The following MRPL13 variants were observed in gnomAD, a reference collection of about 807,000 sequenced individuals.
MRPL13 encodes mitochondrial ribosomal protein L13.
A neutral mutation model predicts 29.0 loss-of-function variants in MRPL13; 33 were observed. The observed-to-expected ratio is 1.14, with a 90% CI of 0.86 to 1.52. The LOEUF is 1.52. MRPL13 is among the 40% of genes most tolerant of loss of function. The pLI is 0.00. For missense variants in MRPL13, 227 were observed against 216.7 expected (o/e 1.05, Z -0.30); for synonymous variants, 77 against 68.4 (o/e 1.13, Z -0.62).
rs377661860 is a variant in MRPL13 at position 120,415,828 on chromosome 8, GCCTA to G, written c.394-1720_394-1717del. Reference sequence around the variant, plus strand: ...TACTTATTTTTTACTTATTGAAGGCGCCTACCTGTCAGATATTTCCAAAGATGTA... The same window carrying G: ...TACTTATTTTTTACTTATTGAAGGCGCCTGTCAGATATTTCCAAAGATGTA... On this transcript the variant is annotated intron_variant, in intron 5 of 6. Coordinates refer to ENST00000306185, the MANE Select transcript of MRPL13 (RefSeq NM_014078.6). The G allele has an allele frequency of 1.7e-3, 264 of 152,106 alleles. 2 individuals are homozygous for G. The highest frequency in any genetic ancestry group is 6.3e-3 in the African/African-American group (260 of 41,506). The allele number at this position is 152,106 out of a possible 1,614,324, so 9.4% of individuals were successfully genotyped here. A position where few individuals can be genotyped will look rare whatever the true frequency, so the allele number is the denominator to read the frequency against.
intron 6 of MRPL13, among the ~76,000 whole-genome samples, chr8:120,398,924 C>T (rs570452405): frequency 1.4e-4 from 21 of 151,900 alleles, no homozygotes; most frequent in African/African-American, 5.1e-4. Flanking sequence ...CAATAATACA[C>T]ACACACACAC....
At chr8:120,436,463 A>T (rs189613512) in intron 2 of MRPL13, among the ~76,000 whole-genome samples, 1 of 152,250 alleles carries the variant, frequency 6.6e-6, no homozygotes, top group African/African-American at 2.4e-5. Context: ...CTTATCTGCC[A>T]TCTGTTCATG....
intron 2 of MRPL13, among the ~76,000 whole-genome samples, chr8:120,442,775 T>C (rs912574173): frequency 1.3e-5 from 2 of 152,188 alleles, no homozygotes; most frequent in African/African-American, 4.8e-5. Context: ...CATACCTAGC[T>C]AGCACCATAT....
Position 120,414,280 on chromosome 8 carries a change from T to C in MRPL13, c.394-168A>G, listed in dbSNP as rs558781526. ...TTATAAAAATTCCCCAAAAGTACAT[T>C]AGGTTAATAATACAAGTAATCCCAT... On this transcript the variant is annotated intron_variant, in intron 5 of 6. Coordinates refer to ENST00000306185, the MANE Select transcript of MRPL13 (RefSeq NM_014078.6). 8.1e-6 allele frequency: 4 copies of C among 496,794 alleles called. No homozygotes were observed. The South Asian group carries it at 1.9e-4, about 23-fold the overall frequency. 30.8% of individuals were successfully genotyped at this position (496,794 alleles called of 1,614,324 possible). A position where few individuals can be genotyped will look rare whatever the true frequency, so the allele number is the denominator to read the frequency against.
chr8:120,426,603 T>C (rs1812934103), intron 3 of MRPL13, among the ~76,000 whole-genome samples: 1 of 152,200 alleles, frequency 6.6e-6, no homozygotes, highest in Admixed American at 6.5e-5. Flanking sequence ...TTCAGAAGTC[T>C]GGACTTTATT....
chr8:120,420,473 TATAA>T (rs1361496394), intron 4 of MRPL13, among the ~76,000 whole-genome samples: 1 of 147,626 alleles, frequency 6.8e-6, no homozygotes, highest in Admixed American at 6.8e-5. Flanking sequence ...TATAAACATA[TATAA>T]ATATATATAA....
rs72150915 is a variant in MRPL13 at position 120,406,555 on chromosome 8, ATGTGTGTGTGTGTGTGTGTG to A, written c.515+7416_515+7435del. 6.8e-5 allele frequency among the ~76,000 whole-genome samples: 10 copies of A among 147,168 alleles called. No homozygotes were observed. The South Asian group carries it at 1.7e-3, about 25-fold the overall frequency. ...CTAACAGTGGATTATATATGTGTGC[ATGTGTGTGTGTGTGTGTGTG>A]TGTGTGTGTGTGTGTGTAATTGTTA... On this transcript the variant is annotated intron_variant, in intron 6 of 6. Transcript: ENST00000306185.
intron 6 of MRPL13, among the ~76,000 whole-genome samples, chr8:120,400,745 A>T (rs35586119): frequency 0.01 from 828 of 81,366 alleles, 2 homozygotes; most frequent in African/African-American, 0.026. Flanking sequence ...AATAAATAAA[A>T]AAAATAGACT....
chr8:120,433,606 C>T (rs994108016), intron 2 of MRPL13, among the ~76,000 whole-genome samples: 37 of 152,210 alleles, frequency 2.4e-4, no homozygotes, highest in South Asian at 2.1e-4. Context: ...CATATTCTTT[C>T]AGTTCTAAGG....
At chr8:120,420,028 G>A in intron 4 of MRPL13, 90 bp from the exon 5 acceptor site, 1 of 806,546 alleles carries the variant, frequency 1.2e-6, no homozygotes, top group African/African-American at 1.8e-5. Context: ...GAAAATGAGG[G>A]GTTTAGATTC....
Position 120,443,306 on chromosome 8 carries a change from T to C in MRPL13, c.30A>G (p.Gln10=), listed in dbSNP as rs1813145898. MSSFSRAPQ[Q]WATFARIWYL... ...ACCATATTCTAGCAAAAGTGGCCCA[T>C]TGCTTGGGGGGGAAAAAAAAAAAAA... Residue 10 remains glutamine, a splice_region_variant and synonymous_variant, in exon 2 of 7, where the codon CAA becomes CAG. Transcript: ENST00000306185. The C allele has an allele frequency of 3.9e-6, 6 of 1,525,568 alleles. 1 individual carries two copies. Among genetic ancestry groups the C allele is most frequent in the Non-Finnish European group, 5.3e-6 (6 of 1,141,278 alleles). The allele number at this position is 1,525,568 out of a possible 1,614,324, so 94.5% of individuals were successfully genotyped here.
chr8:120,430,809 T>A (rs1812988325), intron 3 of MRPL13, among the ~76,000 whole-genome samples: 1 of 152,210 alleles, frequency 6.6e-6, no homozygotes, highest in Non-Finnish European at 1.5e-5. Context: ...CACATTATGG[T>A]AGCTGTTCAC....
At chr8:120,398,221 C>T (rs1812545498) in intron 6 of MRPL13, among the ~76,000 whole-genome samples, 1 of 152,192 alleles carries the variant, frequency 6.6e-6, no homozygotes, top group Non-Finnish European at 1.5e-5. Context: ...CTCTAGACAA[C>T]TCCTACAGGA....
rs753792988 is a variant in MRPL13, at chr8:120,443,326, A to AC, written c.28-19_28-18insG. ...GCCCATTGCTTGGGGGGGAAAAAAA[A>AC]AAAAAAGAAGAGGAAAAAATAAAGA... On this transcript the variant is annotated intron_variant, in intron 1 of 6. Coordinates refer to ENST00000306185, the MANE Select transcript of MRPL13 (RefSeq NM_014078.6). The AC allele has an allele frequency of 8.3e-6, 13 of 1,557,078 alleles. No individual in the cohort carries two copies. Among genetic ancestry groups the AC allele is most frequent in the Admixed American group, 6.5e-5 (3 of 46,050 alleles).
chr8:120,440,347 C>T (rs1305094132), intron 2 of MRPL13, among the ~76,000 whole-genome samples: 5 of 152,224 alleles, frequency 3.3e-5, no homozygotes, highest in African/African-American at 4.8e-5. Context: ...CATGGTGGCT[C>T]ACGCCTGTAA....
chr8:120,425,174 G>T (rs1310306910), intron 4 of MRPL13, 132 bp downstream of exon 4: 2 of 600,522 alleles, frequency 3.3e-6, no homozygotes, highest in African/African-American at 3.8e-5. Context: ...CAAAACGTGT[G>T]TGATACAGCT....
At chr8:120,410,966 TG>T (rs1812733841) in intron 6 of MRPL13, among the ~76,000 whole-genome samples, 1 of 151,888 alleles carries the variant, frequency 6.6e-6, no homozygotes, top group Non-Finnish European at 1.5e-5. Flanking sequence ...TTATTAGAGA[TG>T]GGGTTTCACC....
chr8:120,404,295 C>A (rs1468062226), intron 6 of MRPL13, among the ~76,000 whole-genome samples: 1 of 152,124 alleles, frequency 6.6e-6, no homozygotes, highest in African/African-American at 2.4e-5. Flanking sequence ...GTCACAGTCA[C>A]CAGTTGTTTC....
At chr8:120,402,911 T>C (rs1812616991) in intron 6 of MRPL13, among the ~76,000 whole-genome samples, 1 of 152,160 alleles carries the variant, frequency 6.6e-6, no homozygotes, top group Non-Finnish European at 1.5e-5. Context: ...TCAACATCAC[T>C]GATCATTAGA....
Sources: allele counts gnomAD v4.1 joint callset (sites outside exome capture counted in the v4.1 genomes callset), GRCh38; gene constraint gnomAD v4.1.1; transcripts MANE v1.5; gene names NCBI Gene and HGNC (gene_info 2026-07-23, HGNC 2026-07-21).